The following EML2 variants were observed in gnomAD, a reference collection of about 807,000 sequenced individuals.
The protein encoded by EML2 is echinoderm microtubule-associated protein-like 2.
In EML2, 59 loss-of-function variants were observed where a neutral mutation model predicts 84.7. The observed-to-expected ratio is 0.70, with a 90% confidence interval of 0.56 to 0.86. The LOEUF is 0.86. EML2 is among the 40% of genes least tolerant of loss of function. The pLI is 0.00. For missense variants in EML2, 818 were observed against 855.6 expected, an observed-to-expected ratio of 0.96 and a Z score of 0.55; for synonymous variants, 352 against 348.9, an observed-to-expected ratio of 1.01 and a Z score of -0.10.
At chr19:45,637,658 T>C (rs1973901778) in intron 3 of EML2, among the ~76,000 whole-genome samples, 1 of 86,954 alleles carries the variant, frequency 1.2e-5, no homozygotes, top group Non-Finnish European at 2.7e-5. Flanking sequence ...TTTTTTTTCT[T>C]TTTCTTTTCT....
At chr19:45,611,571 C>T (rs12052178) in intron 18 of EML2, among the ~76,000 whole-genome samples, 44,259 of 151,408 alleles carry the variant, frequency 0.29, 7,460 homozygotes, top group East Asian at 0.39. Flanking sequence ...CTGCAACCTC[C>T]GCCTCCCAAG....
intron 18 of EML2, among the ~76,000 whole-genome samples, chr19:45,611,661 C>T (rs1350212464): frequency 6.6e-6 from 1 of 151,684 alleles, no homozygotes; most frequent in Non-Finnish European, 1.5e-5. Flanking sequence ...AATTTTTTTG[C>T]ATTTTTAGTA....
rs757594055 is a variant in EML2, at chr19:45,613,499, G to C, written c.1824+42C>G. On this transcript the variant is annotated intron_variant, in intron 18 of 18. Transcript: ENST00000245925. ...CTGCCTGAATTTTGTCCCCACCCCT[G>C]CTTGCTACCCCCGTCCATCCCCATC... 16 of 1,605,244 alleles carry C rather than the reference G, an allele frequency of 1.0e-5. No homozygotes were observed. The South Asian group carries it at 1.8e-4, about 18-fold the overall frequency.
rs1268228381 is a variant in EML2, at chr19:45,633,136, C to T, written c.333G>A (p.Leu111=). Reference sequence around the variant, plus strand: ...TGGTGACCATATCTGGGTGGATGGCCAAGCTGCGGAAAGAAGGGACAGAGA... The same window carrying T: ...TGGTGACCATATCTGGGTGGATGGCTAAGCTGCGGAAAGAAGGGACAGAGA... ...YLGHNDDIKC[L]AIHPDMVTIA... The change falls in exon 5 of 19, where the codon TTG becomes TTA. Residue 111 remains leucine (L), a synonymous_variant. Coordinates refer to ENST00000245925, the MANE Select transcript of EML2 (RefSeq NM_012155.4). The T allele has an allele frequency of 1.9e-6, 3 of 1,605,890 alleles. No homozygotes were observed. Among genetic ancestry groups the T allele is most frequent in the Non-Finnish European group, 2.5e-6 (3 of 1,176,610 alleles).
chr19:45,643,436 C>A, upstream of EML2: 1 of 974,210 alleles, frequency 1.0e-6, no homozygotes, highest in South Asian at 1.5e-5. Flanking sequence ...CTGTACCCCG[C>A]GCCCCAGATT....
chr19:45,639,752 G>A (rs543637187), upstream of EML2, among the ~76,000 whole-genome samples: 11 of 152,294 alleles, frequency 7.2e-5, no homozygotes, highest in East Asian at 2.1e-3. Flanking sequence ...CCAGCACTTT[G>A]GGAGGCCGAG....
In EML2 at chr19:45,613,623, C is replaced by G. The variant is rs372565896; in HGVS notation, c.1742G>C (p.Arg581Pro). 6.2e-7 allele frequency: 1 copy of G among 1,613,958 alleles called. No homozygotes were observed. The highest frequency in any genetic ancestry group is 1.1e-5 in the South Asian group (1 of 91,092). ...AGCCAGCAACTTCCCATCATGAGAG[C>G]GGGCCACAGCGTTGATATCAGTGCC... is the stretch of plus-strand genomic sequence containing the variant. ...ADGTDINAVA[R>P]SHDGKLLASA... The change falls in exon 18 of 19, where the codon CGC becomes CCC. Residue 581 changes from arginine to proline, a missense_variant. Coordinates refer to ENST00000245925, the MANE Select transcript of EML2 (RefSeq NM_012155.4).
intron 9 of EML2, among the ~76,000 whole-genome samples, chr19:45,622,780 G>A (rs1237418120): frequency 6.6e-6 from 1 of 152,184 alleles, no homozygotes; most frequent in East Asian, 1.9e-4. Flanking sequence ...GGGTTCGGTG[G>A]CTCATGCCTG....
intron 11 of EML2, among the ~76,000 whole-genome samples, chr19:45,619,678 T>C (rs554303304): frequency 1.3e-4 from 20 of 152,220 alleles, no homozygotes; most frequent in Non-Finnish European, 2.4e-4. Context: ...GACATCTCCT[T>C]GGGACCTCAG....
chr19:45,636,249 C>T (rs1973710630), intron 3 of EML2, among the ~76,000 whole-genome samples: 1 of 152,114 alleles, frequency 6.6e-6, no homozygotes, highest in Non-Finnish European at 1.5e-5. Flanking sequence ...GCTGGGATTA[C>T]AGGCATGAGC....
intron 11 of EML2, 115 bp downstream of exon 11, chr19:45,621,092 A>G (rs1169409376): frequency 2.1e-6 from 3 of 1,442,092 alleles, no homozygotes; most frequent in Non-Finnish European, 2.8e-6. Context: ...AGGTCAGAGA[A>G]GGGACAGAGC....
At chr19:45,638,814 C>G (rs1311905997) in intron 2 of EML2, 31 bp downstream of exon 2, 1 of 1,612,838 alleles carries the variant, frequency 6.2e-7, no homozygotes, top group African/African-American at 1.3e-5. Flanking sequence ...AAGCAAGCTT[C>G]CACCGAGCCC....
chr19:45,621,227 C>CTGT lies in EML2; in HGVS notation c.1099_1101dup (p.Thr367dup), dbSNP rs763079789. 9.3e-6 allele frequency: 15 copies of CTGT among 1,613,834 alleles called. No individual in the cohort carries two copies. Among genetic ancestry groups the CTGT allele is most frequent in the Non-Finnish European group, 1.3e-5 (15 of 1,180,032 alleles). ...CGCACCTGGACCAGCAGTGAGAAGC[C>CTGT]TGTGTGCACGGAGCCCTGCAGGATG... On this transcript the variant is annotated inframe_insertion, in exon 11 of 19. Coordinates refer to ENST00000245925, the MANE Select transcript of EML2 (RefSeq NM_012155.4).
In EML2 at chr19:45,632,932, G is replaced by C. The variant is rs1381706860; in HGVS notation, c.439C>G (p.Leu147Val). ...AAGCCCAGCACGTGTAAGGTGGAGA[G>C]GGAAACTGAGTCCCAGATGCGCACG... Reference protein sequence around the residue: ...PHVRIWDSVSLSTLHVLGLGV... With the variant: ...PHVRIWDSVSVSTLHVLGLGV... The change falls in exon 6 of 19, where the codon CTC (leucine) becomes GTC (valine). Residue 147 changes from leucine to valine, a missense_variant. Leu to Val is a conservative substitution (Grantham distance 32, BLOSUM62 1). Transcript: ENST00000245925. 1 of 1,614,222 alleles carries C rather than the reference G, an allele frequency of 6.2e-7. No individual in the cohort carries two copies. Among genetic ancestry groups the C allele is most frequent in the Non-Finnish European group, 8.5e-7 (1 of 1,180,036 alleles).
chr19:45,616,474 A>G lies in EML2; in HGVS notation c.1496T>C (p.Leu499Pro). 1 of 1,589,408 alleles carries G rather than the reference A, an allele frequency of 6.3e-7. No homozygotes were observed. The highest frequency in any genetic ancestry group is 8.6e-7 in the Non-Finnish European group (1 of 1,161,854). ...VDQGGRKVSRLGKCSGHSSFI... is the reference protein window; with the variant it reads ...VDQGGRKVSRPGKCSGHSSFI... ...CTGCCCACTCACCGAGCACTTGCCCAGGCGGCTGACCTTGCGGCCGCCCTG... is the reference window on the plus strand; with the variant it reads ...CTGCCCACTCACCGAGCACTTGCCCGGGCGGCTGACCTTGCGGCCGCCCTG... The change falls in exon 15 of 19, where the codon CTG becomes CCG. Residue 499 changes from leucine to proline, a missense_variant. Coordinates refer to ENST00000245925, the MANE Select transcript of EML2 (RefSeq NM_012155.4).
chr19:45,634,855 T>C (rs1463604024), intron 3 of EML2, among the ~76,000 whole-genome samples: 1 of 150,228 alleles, frequency 6.7e-6, no homozygotes. Context: ...AGCCTATTTA[T>C]TTTTTCTTTT....
intron 4 of EML2, among the ~76,000 whole-genome samples, chr19:45,634,081 C>T (rs1031103738): frequency 3.3e-5 from 5 of 152,088 alleles, no homozygotes; most frequent in African/African-American, 1.2e-4. Flanking sequence ...GTAGCTGGGA[C>T]CATAAGGGCT....
At chr19:45,645,358 G>GCCGGCCCCCCCGGTCCCAGCCCGGGC, upstream of EML2, 1 of 1,528,422 alleles carries the variant, frequency 6.5e-7, no homozygotes, top group Non-Finnish European at 8.7e-7. Context: ...CACAGCCACC[G>GCCGGCCCCCCCGGTCCCAGCCCGGGC]CCGGCCCCCC....
At chr19:45,609,869 T>G in intron 18 of EML2, 81 bp from the exon 19 acceptor site, 1 of 1,512,308 alleles carries the variant, frequency 6.6e-7, no homozygotes, top group Non-Finnish European at 8.8e-7. Context: ...CTTGACCCGG[T>G]TCTTTTCTGC....
Sources: allele counts gnomAD v4.1 joint callset (sites outside exome capture counted in the v4.1 genomes callset), GRCh38; gene constraint gnomAD v4.1.1; transcripts MANE v1.5; gene names NCBI Gene and HGNC (gene_info 2026-07-23, HGNC 2026-07-21).